The following STOX2 variants were observed in gnomAD, a reference collection of about 807,000 sequenced individuals.
STOX2 encodes storkhead box 2.
In STOX2, 28 loss-of-function variants were observed where a neutral mutation model predicts 60.9. That is an observed-to-expected ratio of 0.46 (90% CI 0.34 to 0.63). The LOEUF is 0.63. Ranked by LOEUF, STOX2 falls within the 30% of genes least tolerant of loss-of-function variation. The probability of loss-of-function intolerance (pLI) is 0.01; values close to 1 mark genes in which losing one functional copy is unlikely to be tolerated. For synonymous variants in STOX2, 472 were observed against 463.9 expected (o/e 1.02, Z -0.22); for missense variants, 1,024 against 1,187.7 (o/e 0.86, Z 2.03).
chr4:183,967,556 CCA>C (rs1560909977), intron 1 of STOX2, among the ~76,000 whole-genome samples: 87 of 152,086 alleles, frequency 5.7e-4, no homozygotes, highest in Non-Finnish European at 1.1e-3. Flanking sequence ...CACTGGCCAC[CCA>C]TGGGTGGTGC....
intron 1 of STOX2, among the ~76,000 whole-genome samples, chr4:183,921,786 A>G (rs1205653537): frequency 6.6e-6 from 1 of 152,244 alleles, no homozygotes; most frequent in East Asian, 1.9e-4. Context: ...ATAATAGTTA[A>G]AAATGATATC....
intron 1 of STOX2, among the ~76,000 whole-genome samples, chr4:183,853,034 C>T (rs1041318653): frequency 6.6e-6 from 1 of 152,162 alleles, no homozygotes; most frequent in Non-Finnish European, 1.5e-5. Flanking sequence ...TAATCGCACG[C>T]AGGAACTTTT....
At chr4:183,951,088 C>G (rs931088932) in intron 1 of STOX2, among the ~76,000 whole-genome samples, 1 of 151,554 alleles carries the variant, frequency 6.6e-6, no homozygotes, top group African/African-American at 2.4e-5. Context: ...TGGTGGCGGG[C>G]GCCTGTAGTC....
intron 1 of STOX2, among the ~76,000 whole-genome samples, chr4:183,815,226 G>T (rs531332274): frequency 1.3e-5 from 2 of 151,736 alleles, no homozygotes; most frequent in Non-Finnish European, 2.9e-5. Flanking sequence ...CAACTCAAGC[G>T]ATCCTCCCGT....
chr4:183,834,892 C>T (rs1260109399), intron 1 of STOX2, among the ~76,000 whole-genome samples: 1 of 152,144 alleles, frequency 6.6e-6, no homozygotes, highest in Non-Finnish European at 1.5e-5. Context: ...TCCAAGGTTA[C>T]TGAAGCAGTG....
intron 2 of STOX2, among the ~76,000 whole-genome samples, chr4:184,006,987 G>C (rs1226454769): frequency 8.2e-6 from 1 of 121,864 alleles, no homozygotes; most frequent in South Asian, 2.7e-4. Context: ...CTGCACTCCA[G>C]CCTGGGCGAC....
intron 1 of STOX2, among the ~76,000 whole-genome samples, chr4:183,857,243 C>T (rs1358686074): frequency 6.7e-6 from 1 of 148,562 alleles, no homozygotes; most frequent in South Asian, 2.1e-4. Flanking sequence ...CAGGACTGGT[C>T]ATCTCGCAGG....
intron 1 of STOX2, among the ~76,000 whole-genome samples, chr4:183,909,835 G>A (rs1008095377): frequency 6.6e-5 from 10 of 152,196 alleles, no homozygotes; most frequent in Non-Finnish European, 1.2e-4. Flanking sequence ...GTGATTTATA[G>A]CAATAGGCTT....
intron 1 of STOX2, among the ~76,000 whole-genome samples, chr4:183,966,242 G>A (rs1430035766): frequency 6.6e-6 from 1 of 152,202 alleles, no homozygotes; most frequent in Non-Finnish European, 1.5e-5. Context: ...GAGAGGAGGT[G>A]TGGGTGAGGA....
At chr4:183,909,475 A>T (rs564961590) in intron 1 of STOX2, among the ~76,000 whole-genome samples, 1 of 152,200 alleles carries the variant, frequency 6.6e-6, no homozygotes, top group Admixed American at 6.5e-5. Context: ...ATTTTTAGTA[A>T]AAAAGGTTTT....
chr4:183,922,741 G>C (rs758576120), intron 1 of STOX2, among the ~76,000 whole-genome samples: 2 of 152,136 alleles, frequency 1.3e-5, no homozygotes, highest in Non-Finnish European at 2.9e-5. Flanking sequence ...CCTGGGAACT[G>C]TTTTCATCTT....
Position 184,011,307 on chromosome 4 carries a change from C to T in STOX2, c.2469C>T (p.Thr823=), listed in dbSNP as rs1240485714. Residue 823 remains threonine (T), a synonymous_variant, in exon 3 of 4, where the codon ACC becomes ACT. Transcript: ENST00000308497. The surrounding 1 kb of genome is among the most constrained non-coding windows in gnomAD (Gnocchi z 4.4). The stretch of plus-strand genomic sequence containing the variant: ...AGAGGAAATTTGAAAAGAACCTCAC[C>T]CTTCTTGCTCCAAAAGAAACCGACA... ...DLQRKFEKNL[T]LLAPKETDSS... 3.1e-6 allele frequency: 5 copies of T among 1,614,006 alleles called. No individual in the cohort carries two copies. In the Admixed American group the frequency reaches 6.7e-5, roughly 22 times the overall value.
intron 1 of STOX2, among the ~76,000 whole-genome samples, chr4:183,814,429 C>A (rs887403132): frequency 1.3e-5 from 2 of 152,272 alleles, no homozygotes; most frequent in Middle Eastern, 3.4e-3. Flanking sequence ...ATAAATGGCT[C>A]TTGGTTTGTT....
chr4:183,955,652 T>C (rs776053779), intron 1 of STOX2, among the ~76,000 whole-genome samples: 58 of 152,232 alleles, frequency 3.8e-4, no homozygotes, highest in Admixed American at 1.0e-3. Flanking sequence ...CCTGGATTTA[T>C]TTCCCGATTT....
chr4:183,911,532 C>G (rs1741782406), intron 1 of STOX2, among the ~76,000 whole-genome samples: 1 of 152,080 alleles, frequency 6.6e-6, no homozygotes, highest in Non-Finnish European at 1.5e-5. Context: ...TTCTTTATTT[C>G]CCAGGAGAAC....
intron 1 of STOX2, among the ~76,000 whole-genome samples, chr4:183,934,801 G>A (rs920779241): frequency 4.1e-4 from 63 of 152,286 alleles, no homozygotes; most frequent in Admixed American, 1.3e-3. Flanking sequence ...TAAGAAGAAT[G>A]TAGCTTATAG....
Position 183,908,149 on chromosome 4 carries a change from T to C in STOX2, c.166+1193T>C, listed in dbSNP as rs143329874. Among the ~76,000 whole-genome samples, 470 of 152,330 alleles carry C rather than the reference T, an allele frequency of 3.1e-3. 1 individual carries two copies. Among genetic ancestry groups the C allele is most frequent in the African/African-American group, 0.01 (422 of 41,578 alleles). On this transcript the variant is annotated intron_variant, in intron 1 of 3. Coordinates refer to ENST00000308497, the MANE Select transcript of STOX2 (RefSeq NM_020225.3). ...TAAAGCCGAAATAAAAGAACCATCT[T>C]TTTTATTGCAAAGTCAGGCGACATA...
At chr4:183,828,867 T>A (rs1304154573) in intron 1 of STOX2, among the ~76,000 whole-genome samples, 1 of 152,174 alleles carries the variant, frequency 6.6e-6, no homozygotes, top group Non-Finnish European at 1.5e-5. Flanking sequence ...AGATCACACT[T>A]TAAAACTAGA....
chr4:183,889,255 C>T (rs1741153413), intron 1 of STOX2, among the ~76,000 whole-genome samples: 1 of 151,950 alleles, frequency 6.6e-6, no homozygotes, highest in South Asian at 2.1e-4. Flanking sequence ...AGGGTGGGCC[C>T]TCATCCAGCA....
Sources: gnomAD v4.1 joint callset for allele counts (sites outside exome capture counted in the v4.1 genomes callset) on GRCh38, gnomAD v4.1.1 for gene constraint, Gnocchi (gnomAD v3.1) non-coding constraint, MANE v1.5 for transcripts, NCBI Gene and HGNC (gene_info 2026-07-23, HGNC 2026-07-21) for gene names.